The following PIGN variants were observed in gnomAD, a reference collection of about 807,000 sequenced individuals.
PIGN encodes GPI ethanolamine phosphate transferase 1.
In PIGN, 117 loss-of-function variants were observed where a neutral mutation model predicts 125.4. The ratio of observed to expected loss-of-function variants is 0.93; its 90% confidence interval spans 0.80 to 1.09. The LOEUF (loss-of-function observed/expected upper bound fraction) is 1.09. PIGN is among the 50% of genes least tolerant of loss of function. PIGN has a pLI of 0.00. For missense variants in PIGN, 1,075 were observed against 1,094.9 expected (o/e 0.98, Z 0.26); for synonymous variants, 392 against 377.8 (o/e 1.04, Z -0.44).
In PIGN at chr18:62,148,298, G is replaced by A; in HGVS notation, c.590C>T (p.Ser197Phe). 6.5e-7 allele frequency: 1 copy of A among 1,529,540 alleles called. No homozygotes were observed. 94.7% of individuals were successfully genotyped at this position (1,529,540 alleles called of 1,614,324 possible). Residue 197 changes from serine to phenylalanine, a missense_variant, in exon 8 of 31, where the codon TCT (serine) becomes TTT (phenylalanine). Around this residue, in one of 3 missense-constraint regions of PIGN, gnomAD observed 915 missense variants for 908.7 expected, o/e 1.01. Transcript: ENST00000640252. ...AACTATTTTCTCTTCATTTATTTTAGAAAACAAAGACTGGTTGTTTCTGGC... is the reference window on the plus strand; with the variant it reads ...AACTATTTTCTCTTCATTTATTTTAAAAAACAAAGACTGGTTGTTTCTGGC... ...HHARNNQSLF[S>F]KINEEKIVFF...
At chr18:62,155,268 G>A (rs1320665939) in intron 6 of PIGN, among the ~76,000 whole-genome samples, 1 of 152,056 alleles carries the variant, frequency 6.6e-6, no homozygotes, top group Non-Finnish European at 1.5e-5. Flanking sequence ...GCTCTTGCAG[G>A]TAATAAGAAA....
At chr18:62,054,449 T>C (rs1303874134) in intron 30 of PIGN, among the ~76,000 whole-genome samples, 6 of 151,032 alleles carry the variant, frequency 4.0e-5, no homozygotes, top group African/African-American at 9.7e-5. Flanking sequence ...GATAAAACAC[T>C]TGCAAGCCAC....
intron 17 of PIGN, among the ~76,000 whole-genome samples, chr18:62,109,349 T>A (rs1183061958): frequency 6.6e-6 from 1 of 152,126 alleles, no homozygotes; most frequent in African/African-American, 2.4e-5. Flanking sequence ...AATCTCTGTG[T>A]GTAAATATAA....
rs495113 is a variant in PIGN at position 62,057,689 on chromosome 18, A to G, written c.2673-11710T>C. 6.6e-3 allele frequency among the ~76,000 whole-genome samples: 1,000 copies of G among 152,260 alleles called. 6 individuals are homozygous for G. Among genetic ancestry groups the G allele is most frequent in the African/African-American group, 0.017 (709 of 41,542 alleles). ...AACTTACACTTGGAATAAACTCCCA[A>G]TTCTTTACAATGACTTTCAAAGGCC... On this transcript the variant is annotated intron_variant, in intron 30 of 30. Transcript: ENST00000640252.
intron 30 of PIGN, among the ~76,000 whole-genome samples, chr18:62,065,827 T>C (rs2032487453): frequency 6.6e-6 from 1 of 152,192 alleles, no homozygotes; most frequent in South Asian, 2.1e-4. Flanking sequence ...AGTATGTTAG[T>C]AAGTAGGAAA....
At chr18:62,177,012 C>A (rs2037548927) in intron 1 of PIGN, among the ~76,000 whole-genome samples, 1 of 151,706 alleles carries the variant, frequency 6.6e-6, no homozygotes, top group African/African-American at 2.4e-5. Context: ...AAAAGATACA[C>A]TGTTGTAATT....
rs1034202007 is a variant in PIGN at position 62,046,077 on chromosome 18, CCA to C, written c.2673-100_2673-99del. On this transcript the variant is annotated intron_variant, in intron 30 of 30. Coordinates refer to ENST00000640252, the MANE Select transcript of PIGN (RefSeq NM_176787.5). ...GTTTTAAATGGACAGATGAAAATCT[CCA>C]CTTTCAGGAGCTGGAGTGGGTGTTC... 6.3e-6 allele frequency: 8 copies of C among 1,272,508 alleles called. No individual in the cohort carries two copies. The African/African-American group carries it at 8.9e-5, about 14-fold the overall frequency. 78.8% of individuals were successfully genotyped at this position (1,272,508 alleles called of 1,614,324 possible). A position where few individuals can be genotyped will look rare whatever the true frequency, so the allele number is the denominator to read the frequency against.
intron 14 of PIGN, chr18:62,118,532 G>A (rs1017100087): frequency 3.5e-4 from 54 of 152,188 alleles, no homozygotes; most frequent in African/African-American, 1.3e-3. Context: ...CAAAGCAAGA[G>A]GCTGAGAATT....
At chr18:62,165,489 G>C (rs550484037) in intron 1 of PIGN, among the ~76,000 whole-genome samples, 2 of 152,194 alleles carry the variant, frequency 1.3e-5, no homozygotes, top group Non-Finnish European at 2.9e-5. Context: ...CTTTAACTTA[G>C]AGAAGGAAAA....
At chr18:62,027,946 A>G (rs1027561392) in intron 23 of PIGN, among the ~76,000 whole-genome samples, 2 of 152,182 alleles carry the variant, frequency 1.3e-5, no homozygotes, top group African/African-American at 4.8e-5. Context: ...AAGAAAAGAA[A>G]AAGAAAAAGG....
intron 30 of PIGN, chr18:62,058,747 G>A (rs1284246117): frequency 6.6e-6 from 1 of 151,992 alleles, no homozygotes; most frequent in East Asian, 1.9e-4. Flanking sequence ...GTAATATATT[G>A]CTATTTATGT....
At chr18:62,090,906 T>TG (rs2033924251) in intron 23 of PIGN, among the ~76,000 whole-genome samples, 1 of 151,984 alleles carries the variant, frequency 6.6e-6, no homozygotes, top group Non-Finnish European at 1.5e-5. Flanking sequence ...TGAGGTAAAA[T>TG]TATTAACATA....
chr18:62,110,758 A>G (rs1367849110), intron 16 of PIGN, among the ~76,000 whole-genome samples: 2 of 151,800 alleles, frequency 1.3e-5, no homozygotes, highest in Admixed American at 6.6e-5. Flanking sequence ...ACATAAGCCA[A>G]TTTCTTATAC....
chr18:62,153,281 T>G (rs755997823), intron 7 of PIGN, among the ~76,000 whole-genome samples: 1 of 152,324 alleles, frequency 6.6e-6, no homozygotes, highest in East Asian at 1.9e-4. Flanking sequence ...TTCACATCAC[T>G]TACCAATGCT....
rs191429075 is a variant in PIGN at position 62,122,979 on chromosome 18, C to T, written c.1173-8340G>A. Among the ~76,000 whole-genome samples the T allele has an allele frequency of 8.3e-3, 1,262 of 152,182 alleles. 6 individuals carry two copies. Among genetic ancestry groups the T allele is most frequent in the Non-Finnish European group, 0.014 (978 of 67,982 alleles). On this transcript the variant is annotated intron_variant, in intron 14 of 30. Transcript: ENST00000640252. Reference sequence around the variant, plus strand: ...CAATGGAATGTAAATTTTTGATTAACAAAAATGACCATAATAGAGGCTGGG... The same window carrying T: ...CAATGGAATGTAAATTTTTGATTAATAAAAATGACCATAATAGAGGCTGGG...
chr18:62,029,131 C>T (rs545719875), intron 23 of PIGN, among the ~76,000 whole-genome samples: 5 of 152,294 alleles, frequency 3.3e-5, no homozygotes, highest in East Asian at 3.9e-4. Flanking sequence ...TGCAGCCATA[C>T]AGTTTTGAAG....
At chr18:62,102,668 C>A (rs2034490273) in intron 21 of PIGN, 126 bp downstream of exon 21, 1 of 506,358 alleles carries the variant, frequency 2.0e-6, no homozygotes, top group Non-Finnish European at 3.5e-6. Context: ...TGAAAGCTTT[C>A]TTCTCAGCTG....
intron 28 of PIGN, among the ~76,000 whole-genome samples, chr18:62,076,299 G>A (rs2033169695): frequency 6.6e-6 from 1 of 152,010 alleles, no homozygotes; most frequent in African/African-American, 2.4e-5. Context: ...TGTCTTATTT[G>A]CCATCTGTAT....
At chr18:62,064,400 C>T (rs2032381344) in intron 30 of PIGN, among the ~76,000 whole-genome samples, 1 of 152,180 alleles carries the variant, frequency 6.6e-6, no homozygotes, top group Admixed American at 6.5e-5. Flanking sequence ...GGAGCATCAC[C>T]AAGTCTTAAG....
Sources: allele counts gnomAD v4.1 joint callset (sites outside exome capture counted in the v4.1 genomes callset), GRCh38; gene constraint gnomAD v4.1.1; regional missense constraint gnomAD v4.1.1; transcripts MANE v1.5; gene names NCBI Gene and HGNC (gene_info 2026-07-23, HGNC 2026-07-21).